LMX1B: variants seen among roughly 807,000 people sequenced by gnomAD.
The protein encoded by LMX1B is LIM homeobox transcription factor 1 beta, also known as LIM homeobox transcription factor 1-beta.
LMX1B carries 12 observed loss-of-function variants against 51.4 expected under a neutral mutation model. The ratio of observed to expected loss-of-function variants is 0.23; its 90% CI spans 0.15 to 0.38. The LOEUF is 0.38. LMX1B is among the 10% of genes least tolerant of loss of function. The probability of loss-of-function intolerance (pLI) is 1.00; values close to 1 mark genes in which losing one functional copy is unlikely to be tolerated. For missense variants in LMX1B, 445 were observed against 571.1 expected (o/e 0.78, Z 2.25); for synonymous variants, 237 against 235.4 (o/e 1.01, Z -0.06).
chr9:126,653,361 G>C (rs1315980616), intron 2 of LMX1B, among the ~76,000 whole-genome samples: 1 of 151,784 alleles, frequency 6.6e-6, no homozygotes, highest in Non-Finnish European at 1.5e-5. Context: ...TTGCCATGTT[G>C]CTCAACCTGG....
intron 2 of LMX1B, among the ~76,000 whole-genome samples, chr9:126,690,368 G>A (rs1009622473): frequency 1.3e-5 from 2 of 152,164 alleles, no homozygotes; most frequent in African/African-American, 4.8e-5. Context: ...GCAGTTGCTC[G>A]GGCAGGAGAG....
chr9:126,678,391 G>A (rs931856261), intron 2 of LMX1B, among the ~76,000 whole-genome samples: 2 of 152,048 alleles, frequency 1.3e-5, no homozygotes, highest in African/African-American at 4.8e-5. Flanking sequence ...AGAAAGGGAG[G>A]TGTCACTGTC....
intron 2 of LMX1B, among the ~76,000 whole-genome samples, chr9:126,637,456 G>T (rs1257802599): frequency 6.6e-6 from 1 of 151,788 alleles, no homozygotes; most frequent in Non-Finnish European, 1.5e-5. Context: ...TCAGGCATTT[G>T]CGTGTGCATT....
At chr9:126,684,559 GC>G (rs2118974615) in intron 2 of LMX1B, among the ~76,000 whole-genome samples, 1 of 152,328 alleles carries the variant, frequency 6.6e-6, no homozygotes, top group Non-Finnish European at 1.5e-5. Flanking sequence ...ATCACCCGAG[GC>G]TGTGCAGCTG....
chr9:126,681,930 A>G (rs897605756), intron 2 of LMX1B, among the ~76,000 whole-genome samples: 1 of 150,758 alleles, frequency 6.6e-6, no homozygotes, highest in Non-Finnish European at 1.5e-5. Flanking sequence ...AATAAAATAA[A>G]ATGCCAATCA....
Position 126,696,442 on chromosome 9 carries a change from C to T in LMX1B, c.1200C>T (p.Phe400=), listed in dbSNP as rs372183654. The T allele has an allele frequency of 5.7e-4, 925 of 1,613,980 alleles. No homozygotes were observed. Among genetic ancestry groups the T allele is most frequent in the Non-Finnish European group, 7.2e-4 (846 of 1,179,930 alleles). ...DRLYSMQSSY[F]AS is the part of the protein sequence containing the mutation. ...TCTACTCCATGCAGAGTTCCTACTT[C>T]GCCTCCTGAGAGCCAGCCAGGCGCA... The change falls in exon 8 of 8, where the codon TTC becomes TTT. Residue 400 remains phenylalanine, a synonymous_variant. Transcript: ENST00000373474.
At chr9:126,672,325 G>T (rs992698979) in intron 2 of LMX1B, among the ~76,000 whole-genome samples, 8 of 152,244 alleles carry the variant, frequency 5.3e-5, no homozygotes, top group African/African-American at 1.9e-4. Flanking sequence ...TGGAGATCAG[G>T]GGCCTCCCTC....
At position 126,618,556 on chromosome 9, in the gene LMX1B, C is replaced by T. The variant is rs1835346385; in HGVS notation, c.326+2987C>T. 2.0e-5 allele frequency among the ~76,000 whole-genome samples: 3 copies of T among 152,126 alleles called. No homozygotes were observed. Among genetic ancestry groups the T allele is most frequent in the Admixed American group, 2.0e-4 (3 of 15,276 alleles). On this transcript the variant is annotated intron_variant, in intron 2 of 7. Transcript: ENST00000373474. This position sits in a 1 kb window ranked among gnomAD's most constrained non-coding sequence, Gnocchi z 4.5. ...CAAAAAAAAGAAAAAGCAGCCTTTT[C>T]GGACAGAAAACCAGTTAGGAAACGG... is the stretch of plus-strand genomic sequence containing the variant.
chr9:126,646,064 A>G (rs1285306903), intron 2 of LMX1B, among the ~76,000 whole-genome samples: 6 of 152,166 alleles, frequency 3.9e-5, no homozygotes, highest in African/African-American at 1.4e-4. Context: ...TTAGAATCCT[A>G]GCTCACTTCT....
At chr9:126,659,785 A>G (rs1836192529) in intron 2 of LMX1B, among the ~76,000 whole-genome samples, 1 of 151,950 alleles carries the variant, frequency 6.6e-6, no homozygotes, top group Non-Finnish European at 1.5e-5. Flanking sequence ...GGGAATGTCT[A>G]CACTGGCTTC....
At chr9:126,681,758 G>A (rs552239334) in intron 2 of LMX1B, among the ~76,000 whole-genome samples, 13 of 152,164 alleles carry the variant, frequency 8.5e-5, no homozygotes, top group South Asian at 8.3e-4. Flanking sequence ...AAAATTAGCC[G>A]AGTGTGGTGG....
At chr9:126,679,202 A>G (rs1345655162) in intron 2 of LMX1B, among the ~76,000 whole-genome samples, 1 of 152,116 alleles carries the variant, frequency 6.6e-6, no homozygotes, top group Admixed American at 6.5e-5. Flanking sequence ...TCATATAGTG[A>G]AAGTTTCAGC....
chr9:126,644,128 G>GGCTGGTGGGCCCGC (rs1297522961), intron 2 of LMX1B, among the ~76,000 whole-genome samples: 15 of 152,184 alleles, frequency 9.9e-5, no homozygotes, highest in Non-Finnish European at 1.6e-4. Flanking sequence ...CAGGTAACGG[G>GGCTGGTGGGCCCGC]GCTGGTGGGC....
At chr9:126,616,306 C>T (rs1835302093) in intron 2 of LMX1B, among the ~76,000 whole-genome samples, 1 of 152,220 alleles carries the variant, frequency 6.6e-6, no homozygotes, top group Admixed American at 6.5e-5. Context: ...AGATGGCCCG[C>T]TCTGCCCTGG....
At chr9:126,617,093 C>T (rs558136684) in intron 2 of LMX1B, among the ~76,000 whole-genome samples, 2 of 152,166 alleles carry the variant, frequency 1.3e-5, no homozygotes, top group Non-Finnish European at 2.9e-5. Flanking sequence ...GAGAGGGAGA[C>T]GCCAGTCCGT....
chr9:126,691,792 C>G (rs1027886460), intron 3 of LMX1B, among the ~76,000 whole-genome samples: 5 of 152,248 alleles, frequency 3.3e-5, no homozygotes, highest in Non-Finnish European at 7.3e-5. Flanking sequence ...TCGAGCCAGC[C>G]TCTGTTTCCC....
intron 1 of LMX1B, 78 bp downstream of exon 1, chr9:126,614,666 G>A (rs1234684774): frequency 7.2e-7 from 1 of 1,393,446 alleles, no homozygotes; most frequent in Non-Finnish European, 9.5e-7. Flanking sequence ...CGGGCGTTGG[G>A]GCCAACGGAT....
At chr9:126,637,067 GC>G (rs913256684) in intron 2 of LMX1B, among the ~76,000 whole-genome samples, 37 of 152,224 alleles carry the variant, frequency 2.4e-4, no homozygotes, top group African/African-American at 8.7e-4. Flanking sequence ...ACCAGCATAA[GC>G]TCTGCTTAGC....
Position 126,696,017 on chromosome 9 carries a change from C to CCGGGG in LMX1B, c.1051+15_1051+16insGGGGC. 1.3e-6 allele frequency: 2 copies of CCGGGG among 1,497,306 alleles called. No individual in the cohort carries two copies. Among genetic ancestry groups the CCGGGG allele is most frequent in the Non-Finnish European group, 8.9e-7 (1 of 1,122,884 alleles). 92.8% of individuals were successfully genotyped at this position (1,497,306 alleles called of 1,614,324 possible). ...TGAACCCCTATGGTAAGCCGCCCTA[C>CCGGGG]CCCCACCCGCCCGCCCCAGCACAGC... is the stretch of plus-strand genomic sequence containing the variant. On this transcript the variant is annotated intron_variant, in intron 7 of 7. Transcript: ENST00000373474.
Sources: gnomAD v4.1 joint callset for allele counts (sites outside exome capture counted in the v4.1 genomes callset) on GRCh38, gnomAD v4.1.1 for gene constraint, Gnocchi (gnomAD v3.1) non-coding constraint, MANE v1.5 for transcripts, NCBI Gene and HGNC (gene_info 2026-07-23, HGNC 2026-07-21) for gene names.